ST3GAL1: variants seen among roughly 807,000 people sequenced by gnomAD.
The protein encoded by ST3GAL1 is CMP-N-acetylneuraminate-beta-galactosamide-alpha-2,3-sialyltransferase 1.
Under a neutral mutation model 34.1 loss-of-function variants are expected in ST3GAL1, and 16 were observed. That is an observed-to-expected ratio of 0.47 (90% CI 0.32 to 0.71). The LOEUF (loss-of-function observed/expected upper bound fraction) is 0.71, where lower values mean the gene tolerates loss of function less well. Among genes scored for constraint, ST3GAL1 ranks in the 30% least tolerant of loss-of-function variants. The pLI, the probability that ST3GAL1 is intolerant of heterozygous loss-of-function variation, is 0.04. For synonymous variants in ST3GAL1, 191 were observed against 184.7 expected (o/e 1.03, Z -0.28); for missense variants, 353 against 447.4 (o/e 0.79, Z 1.90).
At position 133,475,991 on chromosome 8, in the gene ST3GAL1, G is replaced by A; in HGVS notation, c.34C>T (p.Leu12Phe). 2 of 1,609,314 alleles carry A rather than the reference G, an allele frequency of 1.2e-6. No individual in the cohort carries two copies. The highest frequency in any genetic ancestry group is 1.3e-5 in the African/African-American group (1 of 74,952). ...VTLRKRTLKV[L>F]TFLVLFIFLT... is the part of the protein sequence containing the mutation. ...AAGATGAAGAGCACGAGGAAGGTGAGCACTTTCAGGGTCCTCTTCCGCAGG... is the reference window on the plus strand; with the variant it reads ...AAGATGAAGAGCACGAGGAAGGTGAACACTTTCAGGGTCCTCTTCCGCAGG... Residue 12 changes from leucine (L) to phenylalanine (F), a missense_variant, in exon 5 of 10, where the codon CTC becomes TTC. Physicochemically the swap from Leu to Phe is conservative, Grantham distance 22. Coordinates refer to ENST00000522652, the MANE Select transcript of ST3GAL1 (RefSeq NM_173344.3).
At chr8:133,562,197 G>C (rs959077395) in intron 1 of ST3GAL1, among the ~76,000 whole-genome samples, 1 of 148,890 alleles carries the variant, frequency 6.7e-6, no homozygotes, top group African/African-American at 2.5e-5. Flanking sequence ...CTTCTCCCCT[G>C]TGAATCCACA....
At chr8:133,569,325 G>A (rs2978057) in intron 1 of ST3GAL1, among the ~76,000 whole-genome samples, 6,991 of 152,306 alleles carry the variant, frequency 0.046, 249 homozygotes, top group Middle Eastern at 0.061. Context: ...AAAAGTGTAC[G>A]ATGGAACTTT....
rs897263542 is a variant in ST3GAL1, at chr8:133,532,831, G to A, written c.-429+12943C>T. Among the ~76,000 whole-genome samples the A allele has an allele frequency of 2.0e-5, 3 of 152,168 alleles. No homozygotes were observed. In the South Asian group the frequency reaches 6.2e-4, roughly 31 times the overall value. ...TACAAAATGCCAGAAGAGTCCGCAG[G>A]TGCTGGGACAGCCACATGCTCCTCC... On this transcript the variant is annotated intron_variant, in intron 2 of 9. Transcript: ENST00000522652.
chr8:133,565,883 TCCCTGCAGGGATTC>T (rs554431017), intron 1 of ST3GAL1, among the ~76,000 whole-genome samples: 1 of 152,306 alleles, frequency 6.6e-6, no homozygotes, highest in East Asian at 1.9e-4. Context: ...GCCAGTGGTT[TCCCTGCAGGGATTC>T]CCCTGACTCT....
chr8:133,521,228 G>T (rs901111798), intron 2 of ST3GAL1, among the ~76,000 whole-genome samples: 1 of 147,688 alleles, frequency 6.8e-6, no homozygotes, highest in African/African-American at 2.5e-5. Flanking sequence ...CCGCTTCCTG[G>T]GTTCAAGCAA....
At chr8:133,522,259 G>A (rs968622112) in intron 2 of ST3GAL1, among the ~76,000 whole-genome samples, 1 of 152,136 alleles carries the variant, frequency 6.6e-6, no homozygotes, top group Non-Finnish European at 1.5e-5. Context: ...GTGGAAAAAC[G>A]CAGACCCAGC....
At chr8:133,530,801 C>A (rs1011558824) in intron 2 of ST3GAL1, among the ~76,000 whole-genome samples, 5 of 152,124 alleles carry the variant, frequency 3.3e-5, no homozygotes, top group Admixed American at 2.6e-4. Context: ...CTTCCTGGGG[C>A]CAGCATCGTG....
chr8:133,537,165 G>T (rs1485377699), intron 2 of ST3GAL1, among the ~76,000 whole-genome samples: 5 of 152,158 alleles, frequency 3.3e-5, no homozygotes, highest in African/African-American at 1.2e-4. Context: ...AGGGCTCACA[G>T]AACTCAGGAA....
chr8:133,538,051 C>A (rs989048619), intron 2 of ST3GAL1, among the ~76,000 whole-genome samples: 2 of 152,134 alleles, frequency 1.3e-5, no homozygotes, highest in Non-Finnish European at 2.9e-5. Context: ...GAGGGCACTG[C>A]GGAACCATGG....
chr8:133,570,271 G>C lies in ST3GAL1; in HGVS notation c.-582+1422C>G, dbSNP rs1237285175. The C allele has an allele frequency of 6.6e-6, 1 of 152,306 alleles. No individual in the cohort carries two copies. The highest frequency in any genetic ancestry group is 6.5e-5 in the Admixed American group (1 of 15,292). 9.4% of individuals were successfully genotyped at this position (152,306 alleles called of 1,614,324 possible). Reference sequence around the variant, plus strand: ...TGGGGACCCGCGAGGGGGAGAAGTCGGGAGAGGCCAGGGGTGCCCGGAAAC... The same window carrying C: ...TGGGGACCCGCGAGGGGGAGAAGTCCGGAGAGGCCAGGGGTGCCCGGAAAC... On this transcript the variant is annotated intron_variant, in intron 1 of 9. Transcript: ENST00000522652. The surrounding 1 kb of genome is among the most constrained non-coding windows in gnomAD (Gnocchi z 5.6).
chr8:133,550,066 G>T (rs528601378), intron 1 of ST3GAL1, among the ~76,000 whole-genome samples: 1 of 152,318 alleles, frequency 6.6e-6, no homozygotes, highest in Non-Finnish European at 1.5e-5. Context: ...ACAGCACTGG[G>T]GTGTTAAATG....
chr8:133,528,127 G>T (rs897402722), intron 2 of ST3GAL1, among the ~76,000 whole-genome samples: 8 of 151,870 alleles, frequency 5.3e-5, no homozygotes, highest in Non-Finnish European at 1.2e-4. Context: ...GTAAGCCAAG[G>T]TCACACCACT....
intron 3 of ST3GAL1, among the ~76,000 whole-genome samples, chr8:133,496,732 G>A (rs961049907): frequency 5.9e-5 from 9 of 152,146 alleles, no homozygotes; most frequent in East Asian, 1.9e-4. Flanking sequence ...TTCCTGAGAC[G>A]GGGACCAGGG....
At chr8:133,547,018 A>AGAG (rs1554619446) in intron 1 of ST3GAL1, among the ~76,000 whole-genome samples, 1 of 147,758 alleles carries the variant, frequency 6.8e-6, no homozygotes, top group African/African-American at 2.5e-5. Flanking sequence ...AAAAAAAAAA[A>AGAG]AAGACTTCAT....
chr8:133,476,871 C>A lies in ST3GAL1; in HGVS notation c.-373-271G>T, dbSNP rs114860135. Among the ~76,000 whole-genome samples, 459 of 152,338 alleles carry A rather than the reference C, an allele frequency of 3.0e-3. 4 individuals carry two copies. Among genetic ancestry groups the A allele is most frequent in the Middle Eastern group, 0.017 (5 of 294 alleles). On this transcript the variant is annotated intron_variant, in intron 3 of 9. Transcript: ENST00000522652. ...GAACCTAGCACATTGACACACTCAA[C>A]AAACATTTGTCAAAGAGCTCGTGAT...
At chr8:133,545,252 G>A (rs1056081448) in intron 2 of ST3GAL1, among the ~76,000 whole-genome samples, 1 of 152,270 alleles carries the variant, frequency 6.6e-6, no homozygotes, top group African/African-American at 2.4e-5. Context: ...GCAGCCACAC[G>A]GTCTCTATGG....
At chr8:133,477,236 T>G (rs996700810) in intron 3 of ST3GAL1, among the ~76,000 whole-genome samples, 32 of 152,362 alleles carry the variant, frequency 2.1e-4, no homozygotes, top group African/African-American at 7.7e-4. Context: ...GATAAAATGA[T>G]GTATGCTGGG....
At chr8:133,511,454 G>A (rs1817494749) in intron 2 of ST3GAL1, among the ~76,000 whole-genome samples, 1 of 152,208 alleles carries the variant, frequency 6.6e-6, no homozygotes, top group Non-Finnish European at 1.5e-5. Flanking sequence ...TCAGACACTT[G>A]ATGTGGATTA....
chr8:133,468,533 G>T (rs1021480904), intron 5 of ST3GAL1, among the ~76,000 whole-genome samples: 1 of 152,188 alleles, frequency 6.6e-6, no homozygotes, highest in Non-Finnish European at 1.5e-5. Context: ...ACAAAAATCT[G>T]CTAGTTATGG....
Sources: gnomAD v4.1 joint callset for allele counts (sites outside exome capture counted in the v4.1 genomes callset) on GRCh38, gnomAD v4.1.1 for gene constraint, Gnocchi (gnomAD v3.1) non-coding constraint, MANE v1.5 for transcripts, NCBI Gene and HGNC (gene_info 2026-07-23, HGNC 2026-07-21) for gene names.